The following COP1 variants were observed in gnomAD, a reference collection of about 807,000 sequenced individuals.
COP1 encodes the protein E3 ubiquitin-protein ligase COP1.
A neutral mutation model predicts 101.3 loss-of-function variants in COP1; 24 were observed. That is an observed-to-expected ratio of 0.24 (90% CI 0.17 to 0.33). The LOEUF (loss-of-function observed/expected upper bound fraction) is 0.33, where lower values mean the gene tolerates loss of function less well. COP1 is among the 10% of genes least tolerant of loss of function. COP1 has a pLI of 1.00. For missense variants in COP1, 663 were observed against 906.2 expected (o/e 0.73, Z 3.45); for synonymous variants, 347 against 341.9 (o/e 1.01, Z -0.17).
In COP1 at chr1:176,167,579, G is replaced by GT. The variant is rs1373324207; in HGVS notation, c.566-3689dup. Among the ~76,000 whole-genome samples, 5 of 152,064 alleles carry GT rather than the reference G, an allele frequency of 3.3e-5. 1 individual carries two copies. Among genetic ancestry groups the GT allele is most frequent in the Admixed American group, 2.0e-4 (3 of 15,276 alleles). Reference sequence around the variant, plus strand: ...AGAATTGATACCTAAACCTAAGGATGTTATACATTTGTTAATTATAATTCT... The same window carrying GT: ...AGAATTGATACCTAAACCTAAGGATGTTTATACATTTGTTAATTATAATTCT... On this transcript the variant is annotated intron_variant, in intron 3 of 19. Coordinates refer to ENST00000367669, the MANE Select transcript of COP1 (RefSeq NM_022457.7).
intron 3 of COP1, chr1:176,168,813 T>G: frequency 5.0e-6 from 1 of 200,410 alleles, no homozygotes; most frequent in Non-Finnish European, 1.1e-5. Flanking sequence ...TAGAGAAAGA[T>G]GCAGGGAAGG....
intron 14 of COP1, among the ~76,000 whole-genome samples, chr1:176,033,596 A>G (rs1192131236): frequency 1.3e-5 from 2 of 152,216 alleles, no homozygotes; most frequent in African/African-American, 2.4e-5. Flanking sequence ...CTCAGGTTAC[A>G]TATTTAAAAA....
At chr1:176,187,612 T>C (rs887865819) in intron 1 of COP1, among the ~76,000 whole-genome samples, 3 of 152,188 alleles carry the variant, frequency 2.0e-5, no homozygotes, top group Admixed American at 6.5e-5. Context: ...AAATTAATCC[T>C]AGCTATGCCA....
chr1:176,131,060 G>A (rs1195271371), intron 8 of COP1, among the ~76,000 whole-genome samples: 7 of 151,718 alleles, frequency 4.6e-5, no homozygotes, highest in African/African-American at 1.7e-4. Flanking sequence ...CTAGGCAAAA[G>A]GAACAGTGTA....
At chr1:176,194,410 C>G (rs1699431346) in intron 1 of COP1, among the ~76,000 whole-genome samples, 1 of 152,142 alleles carries the variant, frequency 6.6e-6, no homozygotes, top group South Asian at 2.1e-4. Flanking sequence ...GAGGCCGAGG[C>G]AGGCGGATCA....
chr1:176,092,116 A>ATGGGAGATAAATC (rs1168521720), intron 9 of COP1, among the ~76,000 whole-genome samples: 7 of 152,124 alleles, frequency 4.6e-5, no homozygotes, highest in Admixed American at 4.6e-4. Flanking sequence ...TATTAACACA[A>ATGGGAGATAAATC]TGGGAGATAA....
intron 8 of COP1, among the ~76,000 whole-genome samples, chr1:176,124,422 GTA>G (rs1687686750): frequency 1.4e-5 from 1 of 70,988 alleles, no homozygotes; most frequent in Non-Finnish European, 2.6e-5. Flanking sequence ...CCCCAGCCCC[GTA>G]CTACCCCTTT....
chr1:176,193,319 T>C (rs1218922605), intron 1 of COP1, among the ~76,000 whole-genome samples: 5 of 152,062 alleles, frequency 3.3e-5, no homozygotes, highest in African/African-American at 7.2e-5. Flanking sequence ...ACATTGCTAG[T>C]AGGAAAATAA....
At chr1:176,118,060 G>T (rs1686506004) in intron 8 of COP1, among the ~76,000 whole-genome samples, 1 of 152,152 alleles carries the variant, frequency 6.6e-6, no homozygotes, top group African/African-American at 2.4e-5. Context: ...TAAAGCATGG[G>T]AGGTACTCTA....
intron 15 of COP1, among the ~76,000 whole-genome samples, chr1:176,021,838 A>T (rs1187260991): frequency 6.6e-6 from 1 of 152,214 alleles, no homozygotes; most frequent in Non-Finnish European, 1.5e-5. Flanking sequence ...GAAAAAGAGA[A>T]GCATAAAAAA....
chr1:175,997,855 T>TCTAGAA (rs1249451137), intron 15 of COP1, among the ~76,000 whole-genome samples: 2 of 151,904 alleles, frequency 1.3e-5, no homozygotes, highest in East Asian at 3.9e-4. Flanking sequence ...TCCTCAGGGA[T>TCTAGAA]CTAGAACTAG....
intron 1 of COP1, among the ~76,000 whole-genome samples, chr1:176,204,639 C>T (rs1043958295): frequency 1.3e-5 from 2 of 152,116 alleles, no homozygotes; most frequent in African/African-American, 4.8e-5. Context: ...GTGAAATACT[C>T]AGGACCACGG....
intron 8 of COP1, among the ~76,000 whole-genome samples, chr1:176,123,202 T>C (rs1391872479): frequency 6.6e-6 from 1 of 152,082 alleles, no homozygotes; most frequent in African/African-American, 2.4e-5. Context: ...ACTCCAGAAA[T>C]ACTTAGAAGA....
intron 15 of COP1, among the ~76,000 whole-genome samples, chr1:176,000,964 C>T (rs1437628847): frequency 6.6e-6 from 1 of 152,028 alleles, no homozygotes; most frequent in Non-Finnish European, 1.5e-5. Context: ...GCTCCATCTC[C>T]TTTCCTCCCC....
chr1:176,145,097 T>C (rs943619214), intron 6 of COP1, among the ~76,000 whole-genome samples: 3 of 152,154 alleles, frequency 2.0e-5, no homozygotes, highest in African/African-American at 7.2e-5. Context: ...GGGAAAGATA[T>C]TTGTGATAGA....
intron 15 of COP1, among the ~76,000 whole-genome samples, chr1:176,003,271 T>C (rs1168354044): frequency 6.6e-6 from 1 of 152,202 alleles, no homozygotes; most frequent in Non-Finnish European, 1.5e-5. Context: ...GATGAGTAGG[T>C]TGCAAAAATT....
chr1:176,050,585 T>A (rs993349433), intron 11 of COP1, among the ~76,000 whole-genome samples: 6 of 152,098 alleles, frequency 3.9e-5, no homozygotes, highest in Non-Finnish European at 8.8e-5. Flanking sequence ...AAACAAAATA[T>A]ACGTTTAGAA....
intron 10 of COP1, 117 bp from the exon 11 acceptor site, chr1:176,081,404 A>G: frequency 3.9e-6 from 3 of 763,824 alleles, no homozygotes; most frequent in Non-Finnish European, 3.9e-6. Context: ...ATTTTTAAAG[A>G]TTTTACTAAA....
At chr1:176,034,597 G>C (rs1017467451) in intron 14 of COP1, among the ~76,000 whole-genome samples, 1 of 152,112 alleles carries the variant, frequency 6.6e-6, no homozygotes, top group Non-Finnish European at 1.5e-5. Flanking sequence ...CAGTAAAAGG[G>C]GGCCCTGGGA....
Sources: gnomAD v4.1 joint callset for allele counts (sites outside exome capture counted in the v4.1 genomes callset) on GRCh38, gnomAD v4.1.1 for gene constraint, MANE v1.5 for transcripts, NCBI Gene and HGNC (gene_info 2026-07-23, HGNC 2026-07-21) for gene names.